The following LAMA2 variants were observed in gnomAD, a reference collection of about 807,000 sequenced individuals.
The protein encoded by LAMA2 is laminin subunit alpha 2, also known as laminin subunit alpha-2.
Under a neutral mutation model 364.8 loss-of-function variants are expected in LAMA2, and 269 were observed. That is an observed-to-expected ratio of 0.74 (90% CI 0.67 to 0.82). LAMA2 has a LOEUF of 0.82. Ranked by LOEUF, LAMA2 falls within the 40% of genes least tolerant of loss-of-function variation. The pLI is 0.00. For missense variants in LAMA2, 3,807 were observed against 3,873.2 expected, an observed-to-expected ratio of 0.98 and a Z score of 0.45; for synonymous variants, 1,379 against 1,370.6, an observed-to-expected ratio of 1.01 and a Z score of -0.14.
chr6:129,356,536 T>C (rs889051714), intron 32 of LAMA2, among the ~76,000 whole-genome samples: 3 of 152,114 alleles, frequency 2.0e-5, no homozygotes, highest in Non-Finnish European at 4.4e-5. Flanking sequence ...GTAGGTTAAG[T>C]CATTTTCTCA....
rs140996733 is a variant in LAMA2 at position 129,446,381 on chromosome 6, T to C, written c.6429+560T>C. Among the ~76,000 whole-genome samples the C allele has an allele frequency of 2.7e-3, 407 of 151,456 alleles. 2 individuals are homozygous for C. The highest frequency in any genetic ancestry group is 9.5e-3 in the African/African-American group (392 of 41,200). The stretch of plus-strand genomic sequence containing the variant: ...TGATTTGTCTCAAAATTTTGCTCTT[T>C]ACTTACCCAATTAGAAGTTTACTAG... On this transcript the variant is annotated intron_variant, in intron 45 of 64. Transcript: ENST00000421865.
At chr6:129,010,465 C>G (rs1012822553) in intron 1 of LAMA2, among the ~76,000 whole-genome samples, 2 of 152,146 alleles carry the variant, frequency 1.3e-5, no homozygotes, top group Non-Finnish European at 2.9e-5. Flanking sequence ...TCAATTTTCA[C>G]TAATCTAGAA....
At chr6:129,127,120 C>A (rs1407776359) in intron 4 of LAMA2, among the ~76,000 whole-genome samples, 1 of 152,104 alleles carries the variant, frequency 6.6e-6, no homozygotes, top group East Asian at 1.9e-4. Context: ...GTCCTCAGGG[C>A]CATAAAACAG....
intron 50 of LAMA2, 46 bp from the exon 51 acceptor site, chr6:129,465,099 C>G (rs1205667266): frequency 2.6e-6 from 4 of 1,514,080 alleles, no homozygotes; most frequent in Non-Finnish European, 2.8e-6. Flanking sequence ...CACTCATATA[C>G]TTCTCTGTGT....
intron 43 of LAMA2, among the ~76,000 whole-genome samples, chr6:129,441,776 C>G (rs1379705706): frequency 1.3e-5 from 2 of 151,988 alleles, no homozygotes; most frequent in Non-Finnish European, 2.9e-5. Context: ...CCTAGGAATT[C>G]GAGACCAGCC....
chr6:129,043,774 A>G (rs1002791783), intron 1 of LAMA2, among the ~76,000 whole-genome samples: 6 of 152,106 alleles, frequency 3.9e-5, no homozygotes, highest in Admixed American at 2.6e-4. Flanking sequence ...GCACTCACCC[A>G]TTCTTTTTTG....
At chr6:129,058,430 A>G (rs995507117) in intron 2 of LAMA2, among the ~76,000 whole-genome samples, 1 of 142,968 alleles carries the variant, frequency 7.0e-6, no homozygotes, top group Non-Finnish European at 1.5e-5. Context: ...TCTATCTCTA[A>G]TCTCCCTTTT....
At chr6:129,190,459 G>A in intron 11 of LAMA2, 114 bp downstream of exon 11, 1 of 1,084,140 alleles carries the variant, frequency 9.2e-7, no homozygotes, top group Non-Finnish European at 1.4e-6. Context: ...TAAAGTTACA[G>A]GAAGAAGTAA....
chr6:129,212,284 A>G lies in LAMA2; in HGVS notation c.1782+19431A>G, dbSNP rs566778434. ...ATGTTTTGGATATTTACATAGAAAC[A>G]AAGAATTTGAAGACTGGAAAGAACT... On this transcript the variant is annotated intron_variant, in intron 12 of 64. Transcript: ENST00000421865. 3.9e-5 allele frequency among the ~76,000 whole-genome samples: 6 copies of G among 152,318 alleles called. No homozygotes were observed. The South Asian group carries it at 1.2e-3, about 32-fold the overall frequency.
At chr6:129,083,874 G>T (rs558506489) in intron 3 of LAMA2, among the ~76,000 whole-genome samples, 1 of 152,250 alleles carries the variant, frequency 6.6e-6, no homozygotes, top group Non-Finnish European at 1.5e-5. Context: ...TATTTCACAT[G>T]TATTATGTTT....
chr6:128,933,992 G>A lies in LAMA2; in HGVS notation c.112+50635G>A, dbSNP rs537982580. Among the ~76,000 whole-genome samples, 12 of 152,130 alleles carry A rather than the reference G, an allele frequency of 7.9e-5. No individual in the cohort carries two copies. The South Asian group carries it at 1.0e-3, about 13-fold the overall frequency. ...TTTCATTGCCTGTGCTTCGGGTGTC[G>A]TACCCCAAAAATCATGACCAAGACT... On this transcript the variant is annotated intron_variant, in intron 1 of 64. Coordinates refer to ENST00000421865, the MANE Select transcript of LAMA2 (RefSeq NM_000426.4).
chr6:129,347,206 T>C (rs1010297408), intron 30 of LAMA2, among the ~76,000 whole-genome samples: 1 of 151,730 alleles, frequency 6.6e-6, no homozygotes, highest in African/African-American at 2.4e-5. Context: ...ATAAGTGGAG[T>C]GTGAGAGAGG....
chr6:129,457,683 A>G (rs1165158550), intron 48 of LAMA2, among the ~76,000 whole-genome samples: 1 of 152,150 alleles, frequency 6.6e-6, no homozygotes, highest in Non-Finnish European at 1.5e-5. Context: ...AACCCCAAAA[A>G]GTATGTCTTA....
intron 4 of LAMA2, among the ~76,000 whole-genome samples, chr6:129,137,971 A>G (rs1412335522): frequency 6.6e-6 from 1 of 152,056 alleles, no homozygotes; most frequent in Non-Finnish European, 1.5e-5. Flanking sequence ...CCATGGAGGT[A>G]TTTGTGGGAG....
chr6:129,013,957 G>T (rs1287863905), intron 1 of LAMA2, among the ~76,000 whole-genome samples: 3 of 152,128 alleles, frequency 2.0e-5, no homozygotes, highest in Non-Finnish European at 4.4e-5. Context: ...GGAATCAATA[G>T]TACTTATTAA....
At chr6:129,005,488 G>A (rs1004549181) in intron 1 of LAMA2, among the ~76,000 whole-genome samples, 10 of 151,726 alleles carry the variant, frequency 6.6e-5, no homozygotes, top group East Asian at 1.9e-4. Context: ...CTTGATACTT[G>A]TATTTTACCA....
intron 35 of LAMA2, among the ~76,000 whole-genome samples, chr6:129,387,510 A>G (rs1331150074): frequency 6.6e-6 from 1 of 152,208 alleles, no homozygotes; most frequent in African/African-American, 2.4e-5. Context: ...TTCCTCAAGG[A>G]TCCAGAACCA....
chr6:129,293,725 A>G (rs543975700), intron 20 of LAMA2, among the ~76,000 whole-genome samples: 1 of 152,256 alleles, frequency 6.6e-6, no homozygotes, highest in East Asian at 1.9e-4. Flanking sequence ...GTAGGAGACA[A>G]GACTTACCAG....
At position 129,317,535 on chromosome 6, in the gene LAMA2, T is replaced by G. The variant is rs74297192; in HGVS notation, c.4058+1364T>G. On this transcript the variant is annotated intron_variant, in intron 27 of 64. Transcript: ENST00000421865. ...AAGGACCAAAATTCACTTTTATATA[T>G]GTATTCCTTGGGTTTCCTTTTGATA... is the stretch of plus-strand genomic sequence containing the variant. 2.6e-5 allele frequency among the ~76,000 whole-genome samples: 4 copies of G among 152,128 alleles called. No individual in the cohort carries two copies. In the East Asian group the frequency reaches 7.7e-4, roughly 29 times the overall value.
Sources: gnomAD v4.1 joint callset for allele counts (sites outside exome capture counted in the v4.1 genomes callset) on GRCh38, gnomAD v4.1.1 for gene constraint, MANE v1.5 for transcripts, NCBI Gene and HGNC (gene_info 2026-07-23, HGNC 2026-07-21) for gene names.